Variants in CUX2 observed in about 807,000 individuals in gnomAD.
The protein encoded by CUX2 is homeobox protein cut-like 2.
A neutral mutation model predicts 144.8 loss-of-function variants in CUX2; 40 were observed. The observed-to-expected ratio is 0.28, with a 90% CI of 0.21 to 0.36. The LOEUF (loss-of-function observed/expected upper bound fraction) is 0.36, where lower values mean the gene tolerates loss of function less well. Among genes scored for constraint, CUX2 ranks in the 10% least tolerant of loss-of-function variants. The pLI is 1.00. For missense variants in CUX2, 1,615 were observed against 1,994.0 expected (o/e 0.81, Z 3.62); for synonymous variants, 827 against 875.6 (o/e 0.94, Z 0.98).
At position 111,307,017 on chromosome 12, in the gene CUX2, C is replaced by A. The variant is rs565046062; in HGVS notation, c.955C>A (p.His319Asn). ...EILRLLKDVQ[H>N]LQSSLQELEE... is the part of the protein sequence containing the mutation. ...CCTGCGGCTGCTGAAGGACGTGCAGCACCTCCAGAGCTCACTGCAGGAGCT... is the reference window on the plus strand; with the variant it reads ...CCTGCGGCTGCTGAAGGACGTGCAGAACCTCCAGAGCTCACTGCAGGAGCT... The change falls in exon 11 of 22, where the codon CAC becomes AAC. Residue 319 changes from histidine to asparagine, a missense_variant. Transcript: ENST00000261726. This position sits in a 1 kb window ranked among gnomAD's most constrained non-coding sequence, Gnocchi z 4.1. The A allele has an allele frequency of 9.9e-6, 16 of 1,613,882 alleles. No individual in the cohort carries two copies. In the East Asian group the frequency reaches 3.3e-4, roughly 34 times the overall value.
intron 21 of CUX2, 81 bp downstream of exon 21, chr12:111,342,134 C>T: frequency 6.8e-7 from 1 of 1,478,230 alleles, no homozygotes; most frequent in African/African-American, 1.4e-5. Context: ...CTGGAGGGAG[C>T]CCCACATGGC....
At chr12:111,157,458 A>G (rs1270980747) in intron 1 of CUX2, among the ~76,000 whole-genome samples, 3 of 151,986 alleles carry the variant, frequency 2.0e-5, no homozygotes, top group Non-Finnish European at 4.4e-5. Context: ...GATCTGGTTT[A>G]TGTTTCAAAG....
rs986074940 is a variant in CUX2 at position 111,186,480 on chromosome 12, G to A, written c.64-27720G>A. ...GAACAGGGGAGCGGGAAGGGCACAC[G>A]CGCAGGTCCTGAGGTCGGGTGGGGA... is the stretch of plus-strand genomic sequence containing the variant. On this transcript the variant is annotated intron_variant, in intron 1 of 21. Transcript: ENST00000261726. This position sits in a 1 kb window ranked among gnomAD's most constrained non-coding sequence, Gnocchi z 4.4. Among the ~76,000 whole-genome samples the A allele has an allele frequency of 3.3e-5, 5 of 152,196 alleles. No individual in the cohort carries two copies. Among genetic ancestry groups the A allele is most frequent in the African/African-American group, 7.2e-5 (3 of 41,448 alleles).
chr12:111,298,837 T>C (rs1390504169), intron 9 of CUX2, among the ~76,000 whole-genome samples: 1 of 151,066 alleles, frequency 6.6e-6, no homozygotes, highest in African/African-American at 2.4e-5. Context: ...GGAAATAGAG[T>C]GCTCCAAGCA....
chr12:111,327,649 G>A (rs1887880777), intron 18 of CUX2, among the ~76,000 whole-genome samples: 2 of 152,156 alleles, frequency 1.3e-5, no homozygotes, highest in African/African-American at 4.8e-5. Context: ...CAGAGAAGAT[G>A]GAGAATGGTG....
chr12:111,274,518 G>A (rs1348281739), intron 4 of CUX2, among the ~76,000 whole-genome samples: 1 of 152,148 alleles, frequency 6.6e-6, no homozygotes, highest in Non-Finnish European at 1.5e-5. Context: ...TGCCAAGAAA[G>A]AAGACCCTCA....
rs1469112329 is a variant in CUX2 at position 111,303,017 on chromosome 12, T to G, written c.754-1193T>G. ...CAAGTGGGTTACTTGAACCCAGGAG[T>G]TCAAGACCAGCCTAGCCAACATGGC... On this transcript the variant is annotated intron_variant, in intron 9 of 21. Coordinates refer to ENST00000261726, the MANE Select transcript of CUX2 (RefSeq NM_015267.4). Among the ~76,000 whole-genome samples, 3 of 148,544 alleles carry G rather than the reference T, an allele frequency of 2.0e-5. No homozygotes were observed. In the East Asian group the frequency reaches 6.0e-4, roughly 30 times the overall value.
chr12:111,166,799 C>T (rs779936709), intron 1 of CUX2, among the ~76,000 whole-genome samples: 13 of 152,138 alleles, frequency 8.5e-5, no homozygotes, highest in Admixed American at 4.6e-4. Flanking sequence ...GAAGTCCTGA[C>T]GGCATCATCT....
At chr12:111,229,264 C>A (rs1882340216) in intron 3 of CUX2, among the ~76,000 whole-genome samples, 1 of 152,156 alleles carries the variant, frequency 6.6e-6, no homozygotes, top group South Asian at 2.1e-4. Context: ...ACTGCGTGAC[C>A]CCCTAGGGTC....
intron 4 of CUX2, among the ~76,000 whole-genome samples, chr12:111,280,020 G>A (rs961092526): frequency 6.7e-6 from 1 of 149,892 alleles, no homozygotes; most frequent in African/African-American, 2.5e-5. Context: ...GCAGTGGCTC[G>A]TGCCTATAAT....
chr12:111,067,337 GGGAAGGAAGAAA>G (rs1871062246), intron 1 of CUX2, among the ~76,000 whole-genome samples: 1 of 152,174 alleles, frequency 6.6e-6, no homozygotes, highest in Admixed American at 6.5e-5. Context: ...GCTGAGACGT[GGGAAGGAAGAAA>G]GGAAGGAAGC....
intron 3 of CUX2, among the ~76,000 whole-genome samples, chr12:111,218,976 C>A (rs1308358629): frequency 6.6e-6 from 1 of 151,934 alleles, no homozygotes; most frequent in Admixed American, 6.6e-5. Flanking sequence ...CATGTGGGTC[C>A]AGGGATTTCT....
intron 1 of CUX2, among the ~76,000 whole-genome samples, chr12:111,145,874 G>A (rs1413374518): frequency 2.6e-5 from 4 of 151,406 alleles, no homozygotes; most frequent in African/African-American, 9.7e-5. Flanking sequence ...GTTTTGTTTT[G>A]TTTTGTATTT....
At chr12:111,103,215 C>T (rs771454847) in intron 1 of CUX2, among the ~76,000 whole-genome samples, 12 of 152,060 alleles carry the variant, frequency 7.9e-5, no homozygotes, top group African/African-American at 1.4e-4. Context: ...GGTGGACAAG[C>T]GGTGCACCAT....
At chr12:111,319,773 A>G (rs891344520) in intron 16 of CUX2, among the ~76,000 whole-genome samples, 3 of 152,230 alleles carry the variant, frequency 2.0e-5, no homozygotes, top group Admixed American at 6.5e-5. Context: ...TTTGCATTGC[A>G]TTATCCGCAT....
chr12:111,211,256 C>T (rs757043723), intron 1 of CUX2, among the ~76,000 whole-genome samples: 2 of 152,126 alleles, frequency 1.3e-5, no homozygotes, highest in African/African-American at 2.4e-5. Flanking sequence ...TTCGTCTGCT[C>T]GAGGAAAGAC....
chr12:111,100,283 A>G (rs1263424370), intron 1 of CUX2, among the ~76,000 whole-genome samples: 1 of 151,702 alleles, frequency 6.6e-6, no homozygotes, highest in Non-Finnish European at 1.5e-5. Flanking sequence ...AGCTCGATGT[A>G]TGCGTGGCCT....
chr12:111,334,360 C>T (rs1592981107), intron 18 of CUX2, 81 bp from the exon 19 acceptor site: 8 of 1,456,762 alleles, frequency 5.5e-6, no homozygotes, highest in Admixed American at 4.9e-5. Context: ...CAACTCTTGG[C>T]TGTAAGAAGC....
At chr12:111,292,803 A>T (rs1410730722) in intron 5 of CUX2, among the ~76,000 whole-genome samples, 2 of 152,018 alleles carry the variant, frequency 1.3e-5, no homozygotes, top group African/African-American at 4.8e-5. Context: ...GAATATACTA[A>T]ATGTCACTGC....
Sources: allele counts gnomAD v4.1 joint callset (sites outside exome capture counted in the v4.1 genomes callset), GRCh38; gene constraint gnomAD v4.1.1; non-coding constraint Gnocchi (gnomAD v3.1); transcripts MANE v1.5; gene names NCBI Gene and HGNC (gene_info 2026-07-23, HGNC 2026-07-21).